ECPAS: variants seen among roughly 807,000 people sequenced by gnomAD.
ECPAS encodes proteasome adapter and scaffold protein ECM29.
Under a neutral mutation model 255.1 loss-of-function variants are expected in ECPAS, and 70 were observed. The observed-to-expected ratio is 0.27, with a 90% CI of 0.23 to 0.33. The LOEUF is 0.33. Among genes scored for constraint, ECPAS ranks in the 10% least tolerant of loss-of-function variants. The pLI is 1.00. For missense variants in ECPAS, 1,817 were observed against 2,206.4 expected, an observed-to-expected ratio of 0.82 and a Z score of 3.54; for synonymous variants, 784 against 775.0, an observed-to-expected ratio of 1.01 and a Z score of -0.19.
At chr9:111,404,241 A>T (rs2098180502) in intron 24 of ECPAS, among the ~76,000 whole-genome samples, 2 of 149,692 alleles carry the variant, frequency 1.3e-5, no homozygotes, top group Admixed American at 1.3e-4. Flanking sequence ...CAAAATTAAT[A>T]AAGGAAAGAA....
intron 4 of ECPAS, among the ~76,000 whole-genome samples, chr9:111,443,400 G>A (rs189342344): frequency 7.9e-5 from 12 of 152,094 alleles, no homozygotes; most frequent in African/African-American, 1.2e-4. Flanking sequence ...ACAGGCACGC[G>A]CCACCACGCC....
chr9:111,464,514 G>T (rs2098276944), intron 2 of ECPAS, among the ~76,000 whole-genome samples: 1 of 150,992 alleles, frequency 6.6e-6, no homozygotes, highest in African/African-American at 2.4e-5. Context: ...CCCAGGATTA[G>T]TAAAAGCAAA....
At chr9:111,369,249 G>GTA (rs2098124446) in intron 45 of ECPAS, 76 bp from the exon 46 acceptor site, 5 of 1,139,030 alleles carry the variant, frequency 4.4e-6, no homozygotes, top group Non-Finnish European at 5.8e-6. Context: ...AGCTATCAGG[G>GTA]TACCAACCAA....
intron 32 of ECPAS, among the ~76,000 whole-genome samples, 162 bp downstream of exon 32, chr9:111,386,215 C>T (rs753202793): frequency 6.6e-6 from 1 of 152,244 alleles, no homozygotes; most frequent in Non-Finnish European, 1.5e-5. Context: ...CCACCCACCT[C>T]AGCCTCCCCA....
At chr9:111,417,788 T>G in intron 17 of ECPAS, 95 bp downstream of exon 17, 1 of 1,176,546 alleles carries the variant, frequency 8.5e-7, no homozygotes. Flanking sequence ...ATTTTATGAG[T>G]CAACATCTAG....
At chr9:111,426,765 T>C (rs2098222256) in intron 10 of ECPAS, among the ~76,000 whole-genome samples, 1 of 150,592 alleles carries the variant, frequency 6.6e-6, no homozygotes, top group African/African-American at 2.4e-5. Context: ...CCAGGAGTTC[T>C]AGACCAGCCT....
intron 48 of ECPAS, among the ~76,000 whole-genome samples, chr9:111,365,323 T>C (rs182784759): frequency 5.4e-5 from 8 of 148,444 alleles, no homozygotes; most frequent in South Asian, 2.2e-4. Flanking sequence ...ATCATCATCA[T>C]CACCTGGACT....
intron 43 of ECPAS, 41 bp downstream of exon 43, chr9:111,371,580 A>C: frequency 1.3e-6 from 2 of 1,516,398 alleles, no homozygotes; most frequent in Non-Finnish European, 1.8e-6. Flanking sequence ...ATGAAAGATG[A>C]AGTCAGAATC....
At chr9:111,399,357 T>C (rs1211110926) in intron 24 of ECPAS, among the ~76,000 whole-genome samples, 1 of 151,892 alleles carries the variant, frequency 6.6e-6, no homozygotes, top group Admixed American at 6.6e-5. Context: ...CTGAATAGAG[T>C]GGGAAGTACA....
intron 16 of ECPAS, among the ~76,000 whole-genome samples, chr9:111,419,322 G>A (rs1217685650): frequency 1.3e-5 from 2 of 152,092 alleles, no homozygotes; most frequent in South Asian, 2.1e-4. Context: ...AATTCTAAAC[G>A]TTAAATGTAG....
chr9:111,433,512 A>G (rs2098233145), intron 7 of ECPAS, 140 bp from the exon 8 acceptor site: 1 of 744,212 alleles, frequency 1.3e-6, no homozygotes, highest in South Asian at 1.7e-5. Context: ...TAGGCTTACA[A>G]TGTGCCGGGG....
chr9:111,392,928 G>C, intron 27 of ECPAS, 46 bp from the exon 28 acceptor site: 1 of 1,372,304 alleles, frequency 7.3e-7, no homozygotes, highest in Non-Finnish European at 1.0e-6. Flanking sequence ...AAAAAATTTT[G>C]TCTACTTGCT....
intron 22 of ECPAS, 33 bp from the exon 23 acceptor site, chr9:111,410,246 A>C: frequency 6.3e-7 from 1 of 1,584,508 alleles, no homozygotes. Flanking sequence ...AGAGAATTAC[A>C]TACCATTATC....
In ECPAS at chr9:111,437,010, G is replaced by A. The variant is rs770702141; in HGVS notation, c.638C>T (p.Pro213Leu). The change falls in exon 7 of 50, where the codon CCG becomes CTG. Residue 213 changes from proline (P) to leucine (L), a missense_variant. Transcript: ENST00000684092. ...GGGSGIPQPP[P>L]GMSFYAAKRV... ...TTTGGCTGCATAAAAGCTCATTCCC[G>A]GAGGAGGCTGTGGGATTCCAGAACC... 53 of 1,612,786 alleles carry A rather than the reference G, an allele frequency of 3.3e-5. No homozygotes were observed. Among genetic ancestry groups the A allele is most frequent in the South Asian group, 1.4e-4 (13 of 90,898 alleles).
chr9:111,389,431 A>C (rs1026615105), intron 31 of ECPAS, 125 bp downstream of exon 31: 1 of 837,762 alleles, frequency 1.2e-6, no homozygotes, highest in Admixed American at 3.5e-5. Context: ...AATGAAAGAC[A>C]ATTTATTTGT....
intron 1 of ECPAS, among the ~76,000 whole-genome samples, chr9:111,480,976 C>G (rs1248425455): frequency 6.6e-6 from 1 of 152,196 alleles, no homozygotes; most frequent in East Asian, 1.9e-4. Flanking sequence ...AATTCTTCCT[C>G]TAGTTTTGTT....
intron 2 of ECPAS, among the ~76,000 whole-genome samples, chr9:111,453,432 G>A (rs751160383): frequency 7.2e-5 from 11 of 152,042 alleles, no homozygotes; most frequent in Non-Finnish European, 1.3e-4. Context: ...AAAGAAACTG[G>A]GGGGGAAGAG....
chr9:111,374,025 C>T lies in ECPAS; in HGVS notation c.4124G>A (p.Ser1375Asn), dbSNP rs768469155. Residue 1375 changes from serine (S) to asparagine (N), a missense_variant, in exon 39 of 50, where the codon AGT becomes AAT. Physicochemically the swap from Ser to Asn is conservative, Grantham distance 46. Around this residue, in one of 4 missense-constraint regions of ECPAS, gnomAD observed 960 missense variants for 1,179.0 expected, o/e 0.81. Coordinates refer to ENST00000684092, the MANE Select transcript of ECPAS (RefSeq NM_001364929.1). ...VGLGTKGGCA[S>N]VIVSLTTQCP... ...CTGAGTAGTTAATGACACAATGACA[C>T]TGGCACAGCCACCCTACAGGGTTAC... is the stretch of plus-strand genomic sequence containing the variant. 1.9e-6 allele frequency: 3 copies of T among 1,612,922 alleles called. No homozygotes were observed. Among genetic ancestry groups the T allele is most frequent in the Non-Finnish European group, 2.5e-6 (3 of 1,178,934 alleles).
intron 1 of ECPAS, among the ~76,000 whole-genome samples, chr9:111,479,400 A>G (rs1284989042): frequency 6.6e-6 from 1 of 151,916 alleles, no homozygotes; most frequent in Non-Finnish European, 1.5e-5. Flanking sequence ...GGTCGAGACC[A>G]GCCTGGCCAA....
Sources: gnomAD v4.1 joint callset for allele counts (sites outside exome capture counted in the v4.1 genomes callset) on GRCh38, gnomAD v4.1.1 for gene constraint, gnomAD v4.1.1 regional missense constraint, MANE v1.5 for transcripts, NCBI Gene and HGNC (gene_info 2026-07-23, HGNC 2026-07-21) for gene names.